GLIS1: variants seen among roughly 807,000 people sequenced by gnomAD.
GLIS1 encodes zinc finger protein GLIS1.
A neutral mutation model predicts 63.8 loss-of-function variants in GLIS1; 24 were observed. The observed-to-expected ratio is 0.38, with a 90% CI of 0.27 to 0.53. The LOEUF (loss-of-function observed/expected upper bound fraction) is 0.53, where lower values mean the gene tolerates loss of function less well. GLIS1 is among the 20% of genes least tolerant of loss of function. The pLI, the probability that GLIS1 is intolerant of heterozygous loss-of-function variation, is 0.85. For synonymous variants in GLIS1, 450 were observed against 482.5 expected, an observed-to-expected ratio of 0.93 and a Z score of 0.88; for missense variants, 1,036 against 1,074.1, an observed-to-expected ratio of 0.96 and a Z score of 0.50.
At chr1:53,693,744 C>T (rs188125001) in intron 2 of GLIS1, among the ~76,000 whole-genome samples, 79 of 152,274 alleles carry the variant, frequency 5.2e-4, no homozygotes, top group Middle Eastern at 6.8e-3. Flanking sequence ...CCCGGGATGT[C>T]GAGGCCGGGC....
intron 2 of GLIS1, among the ~76,000 whole-genome samples, chr1:53,660,681 G>T (rs1236420079): frequency 5.9e-5 from 9 of 152,188 alleles, no homozygotes; most frequent in African/African-American, 2.2e-4. Context: ...AGCCCCTGGG[G>T]CAGCATACAG....
chr1:53,527,212 C>G (rs531866762), intron 5 of GLIS1, among the ~76,000 whole-genome samples: 3 of 152,216 alleles, frequency 2.0e-5, no homozygotes, highest in Non-Finnish European at 4.4e-5. Context: ...TCGGTGGCCT[C>G]GAATGGTCCA....
intron 2 of GLIS1, among the ~76,000 whole-genome samples, chr1:53,686,410 C>T (rs892244263): frequency 6.6e-6 from 1 of 152,220 alleles, no homozygotes; most frequent in Admixed American, 6.5e-5. Context: ...TTCTCATCCG[C>T]AGTGCTTTCT....
At chr1:53,604,797 G>A (rs1645352399) in intron 2 of GLIS1, among the ~76,000 whole-genome samples, 1 of 152,080 alleles carries the variant, frequency 6.6e-6, no homozygotes, top group Admixed American at 6.5e-5. Flanking sequence ...CAGCCATCTA[G>A]TCAGCAAGCT....
chr1:53,654,987 G>A (rs1290866689), intron 2 of GLIS1, among the ~76,000 whole-genome samples: 1 of 152,218 alleles, frequency 6.6e-6, no homozygotes, highest in Non-Finnish European at 1.5e-5. Flanking sequence ...ATGGGGATGG[G>A]GATGACTCAA....
At chr1:53,690,654 G>A (rs1646393622) in intron 2 of GLIS1, among the ~76,000 whole-genome samples, 1 of 150,852 alleles carries the variant, frequency 6.6e-6, no homozygotes, top group Non-Finnish European at 1.5e-5. Flanking sequence ...AGGCAGGGCA[G>A]CGATGATTAA....
intron 1 of GLIS1, among the ~76,000 whole-genome samples, chr1:53,738,564 C>T (rs1349922116): frequency 6.6e-6 from 1 of 152,176 alleles, no homozygotes; most frequent in East Asian, 1.9e-4. Context: ...GTCGACTCTC[C>T]GGGGCCGAGC....
chr1:53,513,859 G>A (rs1644322179), intron 8 of GLIS1, among the ~76,000 whole-genome samples: 1 of 152,230 alleles, frequency 6.6e-6, no homozygotes, highest in African/African-American at 2.4e-5. Context: ...GGCAGGCCAT[G>A]GCCAAGGCTG....
chr1:53,669,503 G>C (rs144139379), intron 2 of GLIS1, among the ~76,000 whole-genome samples: 1 of 152,342 alleles, frequency 6.6e-6, no homozygotes, highest in African/African-American at 2.4e-5. Context: ...GTGAAGACCA[G>C]ATCTCCTGCA....
intron 2 of GLIS1, among the ~76,000 whole-genome samples, chr1:53,708,684 G>C (rs368431599): frequency 6.6e-6 from 1 of 152,100 alleles, no homozygotes; most frequent in African/African-American, 2.4e-5. Flanking sequence ...AGGTCCCCCA[G>C]CTTACTTCCA....
At position 53,606,538 on chromosome 1, in the gene GLIS1, G is replaced by A. The variant is rs370061621; in HGVS notation, c.260-6260C>T. Among the ~76,000 whole-genome samples, 8 of 152,134 alleles carry A rather than the reference G, an allele frequency of 5.3e-5. No homozygotes were observed. In the East Asian group the frequency reaches 5.8e-4, roughly 11 times the overall value. ...ACAGCAGAGACAGAGCCCGAGCAGC[G>A]TTCATCTCCTAACCCTTTCTGCTCT... On this transcript the variant is annotated intron_variant, in intron 2 of 10. Transcript: ENST00000628545.
rs568903896 is a variant in GLIS1 at position 53,648,109 on chromosome 1, G to A, written c.260-47831C>T. On this transcript the variant is annotated intron_variant, in intron 2 of 10. Transcript: ENST00000628545. ...GGATCGCTTGAGCCTAGGAGGTGGA[G>A]GCTGCAGTGAGCCGTGATTGCGCCA... Among the ~76,000 whole-genome samples the A allele has an allele frequency of 6.6e-5, 10 of 152,236 alleles. No individual in the cohort carries two copies. The South Asian group carries it at 2.1e-3, about 32-fold the overall frequency.
At chr1:53,730,141 C>T (rs547561597) in intron 2 of GLIS1, among the ~76,000 whole-genome samples, 1 of 152,270 alleles carries the variant, frequency 6.6e-6, no homozygotes, top group African/African-American at 2.4e-5. Flanking sequence ...GAGGCCTATT[C>T]TCAGGCTCTT....
intron 2 of GLIS1, among the ~76,000 whole-genome samples, chr1:53,666,835 A>T (rs1238997251): frequency 6.6e-6 from 1 of 152,040 alleles, no homozygotes; most frequent in African/African-American, 2.4e-5. Flanking sequence ...TGTGCTCCTA[A>T]TGCCTCCTTT....
intron 2 of GLIS1, among the ~76,000 whole-genome samples, chr1:53,708,078 C>A (rs890672834): frequency 6.6e-6 from 1 of 151,888 alleles, no homozygotes; most frequent in Non-Finnish European, 1.5e-5. Flanking sequence ...GTCAGGAGAT[C>A]GAGACCATCC....
At chr1:53,663,139 A>G (rs1174789009) in intron 2 of GLIS1, among the ~76,000 whole-genome samples, 1 of 152,102 alleles carries the variant, frequency 6.6e-6, no homozygotes, top group African/African-American at 2.4e-5. Context: ...CCACCACCCT[A>G]GTCCAGACCC....
chr1:53,666,865 C>T (rs1477703026), intron 2 of GLIS1, among the ~76,000 whole-genome samples: 1 of 152,188 alleles, frequency 6.6e-6, no homozygotes, highest in Non-Finnish European at 1.5e-5. Flanking sequence ...CTCACCCCTC[C>T]CTCCTCACAG....
chr1:53,534,237 G>T (rs959305105), intron 4 of GLIS1, among the ~76,000 whole-genome samples: 3 of 152,142 alleles, frequency 2.0e-5, no homozygotes, highest in Admixed American at 1.3e-4. Context: ...CACGTCCCTG[G>T]CTTCGACCTT....
At chr1:53,704,686 G>A (rs565820039) in intron 2 of GLIS1, among the ~76,000 whole-genome samples, 15 of 152,318 alleles carry the variant, frequency 9.8e-5, no homozygotes, top group East Asian at 5.8e-4. Context: ...AAGGGAAGCC[G>A]GAGGACAGCC....
Sources: allele counts gnomAD v4.1 joint callset (sites outside exome capture counted in the v4.1 genomes callset), GRCh38; gene constraint gnomAD v4.1.1; transcripts MANE v1.5; gene names NCBI Gene and HGNC (gene_info 2026-07-23, HGNC 2026-07-21).